The following HS3ST3B1 variants were observed in gnomAD, a reference collection of about 807,000 sequenced individuals.
The protein encoded by HS3ST3B1 is heparan sulfate-glucosamine 3-sulfotransferase 3B1, also known as heparan sulfate glucosamine 3-O-sulfotransferase 3B1.
Under a neutral mutation model 21.3 loss-of-function variants are expected in HS3ST3B1, and 13 were observed. That is an observed-to-expected ratio of 0.61 (90% CI 0.40 to 0.97). The LOEUF (loss-of-function observed/expected upper bound fraction) is 0.97, where lower values mean the gene tolerates loss of function less well. Ranked by LOEUF, HS3ST3B1 falls within the 50% of genes least tolerant of loss-of-function variation. The pLI is 0.00. For missense variants in HS3ST3B1, 459 were observed against 554.8 expected, an observed-to-expected ratio of 0.83 and a Z score of 1.73; for synonymous variants, 234 against 254.8, an observed-to-expected ratio of 0.92 and a Z score of 0.78.
intron 1 of HS3ST3B1, among the ~76,000 whole-genome samples, chr17:14,316,019 G>T (rs1909485780): frequency 6.6e-6 from 1 of 152,120 alleles, no homozygotes; most frequent in South Asian, 2.1e-4. Context: ...GCATCCTGAG[G>T]CATTGTGTCT....
chr17:14,337,583 C>T (rs1342145827), intron 1 of HS3ST3B1, among the ~76,000 whole-genome samples: 1 of 151,530 alleles, frequency 6.6e-6, no homozygotes, highest in East Asian at 1.9e-4. Flanking sequence ...GGTAATCTGC[C>T]CACCTCAGCC....
chr17:14,331,253 C>T (rs776225651), intron 1 of HS3ST3B1, among the ~76,000 whole-genome samples: 7 of 152,046 alleles, frequency 4.6e-5, no homozygotes, highest in Non-Finnish European at 1.0e-4. Context: ...CCCCAGAGAG[C>T]TCACCCGCAA....
chr17:14,348,798 T>G lies in HS3ST3B1; in HGVS notation c.*3152T>G, dbSNP rs1214173554. The G allele has an allele frequency of 6.6e-6, 1 of 152,232 alleles. No homozygotes were observed. Among genetic ancestry groups the G allele is most frequent in the Non-Finnish European group, 1.5e-5 (1 of 68,046 alleles). The allele number at this position is 152,232 out of a possible 1,614,324, so 9.4% of individuals were successfully genotyped here. A position where few individuals can be genotyped will look rare whatever the true frequency, so the allele number is the denominator to read the frequency against. Reference sequence around the variant, plus strand: ...TGAGGTTTTTCTTGTTTCTATCTAGTTCATGCTTTCTTTGCGGTGTTTGAA... The same window carrying G: ...TGAGGTTTTTCTTGTTTCTATCTAGGTCATGCTTTCTTTGCGGTGTTTGAA... On this transcript the variant is annotated 3_prime_UTR_variant, in exon 2 of 2. Transcript: ENST00000360954.
At chr17:14,336,379 G>A (rs1029161998) in intron 1 of HS3ST3B1, among the ~76,000 whole-genome samples, 1 of 152,162 alleles carries the variant, frequency 6.6e-6, no homozygotes, top group African/African-American at 2.4e-5. Flanking sequence ...GAAGATATTA[G>A]GGCAACATTT....
At position 14,324,953 on chromosome 17, in the gene HS3ST3B1, AC is replaced by A. The variant is rs560402821; in HGVS notation, c.555-20074del. Among the ~76,000 whole-genome samples, 4 of 152,366 alleles carry A rather than the reference AC, an allele frequency of 2.6e-5. No homozygotes were observed. The South Asian group carries it at 8.3e-4, about 32-fold the overall frequency. On this transcript the variant is annotated intron_variant, in intron 1 of 1. Transcript: ENST00000360954. ...ACATAAAGCACAGAGAGCACATAAA[AC>A]ATGACAGTTAAAGAAGAAAACCAAA...
rs144744309 is a variant in HS3ST3B1 at position 14,323,781 on chromosome 17, T to C, written c.555-21247T>C. 5.8e-4 allele frequency among the ~76,000 whole-genome samples: 89 copies of C among 152,254 alleles called. 1 individual carries two copies. The East Asian group carries it at 0.016, about 27-fold the overall frequency. On this transcript the variant is annotated intron_variant, in intron 1 of 1. Coordinates refer to ENST00000360954, the MANE Select transcript of HS3ST3B1 (RefSeq NM_006041.3). ...TGCATTTAGCAAACCCAGGAAAACA[T>C]TGTCTTTGGAGAGGTTTGAGCTTGA...
intron 1 of HS3ST3B1, among the ~76,000 whole-genome samples, chr17:14,321,182 G>T (rs191614681): frequency 6.6e-6 from 1 of 152,304 alleles, no homozygotes; most frequent in East Asian, 1.9e-4. Context: ...ACACTTTCCC[G>T]TCTACGTTCC....
intron 1 of HS3ST3B1, among the ~76,000 whole-genome samples, chr17:14,313,296 C>T (rs1483994027): frequency 6.6e-6 from 1 of 151,518 alleles, no homozygotes; most frequent in Admixed American, 6.6e-5. Context: ...GCTGATCTGG[C>T]CCACCCCAAC....
chr17:14,341,682 G>A lies in HS3ST3B1; in HGVS notation c.555-3346G>A, dbSNP rs1234272526. Among the ~76,000 whole-genome samples, 6 of 152,218 alleles carry A rather than the reference G, an allele frequency of 3.9e-5. No homozygotes were observed. The South Asian group carries it at 8.3e-4, about 21-fold the overall frequency. On this transcript the variant is annotated intron_variant, in intron 1 of 1. Coordinates refer to ENST00000360954, the MANE Select transcript of HS3ST3B1 (RefSeq NM_006041.3). ...GCCCAGGCTAAGTCAGACTGACAGC[G>A]AGATACCCCTAAACCCCCTTCTCTG... is the stretch of plus-strand genomic sequence containing the variant.
At chr17:14,341,096 C>T (rs1191619771) in intron 1 of HS3ST3B1, among the ~76,000 whole-genome samples, 1 of 152,156 alleles carries the variant, frequency 6.6e-6, no homozygotes, top group East Asian at 1.9e-4. Flanking sequence ...TAAATCTGCC[C>T]ACGGCTCAGG....
intron 1 of HS3ST3B1, among the ~76,000 whole-genome samples, chr17:14,314,057 G>A (rs767772672): frequency 7.2e-5 from 11 of 151,820 alleles, no homozygotes; most frequent in Non-Finnish European, 1.2e-4. Context: ...TCGGCTCACC[G>A]CAACCTCCGC....
At chr17:14,324,133 C>G (rs1909739522) in intron 1 of HS3ST3B1, among the ~76,000 whole-genome samples, 1 of 151,510 alleles carries the variant, frequency 6.6e-6, no homozygotes, top group South Asian at 2.1e-4. Context: ...TGGGGTTATT[C>G]TTACCTTCTC....
In HS3ST3B1 at chr17:14,346,767, C is replaced by T. The variant is rs1219223545; in HGVS notation, c.*1121C>T. 2.0e-5 allele frequency: 3 copies of T among 152,234 alleles called. No homozygotes were observed. Among genetic ancestry groups the T allele is most frequent in the Non-Finnish European group, 4.4e-5 (3 of 68,064 alleles). The allele number at this position is 152,234 out of a possible 1,614,324, so 9.4% of individuals were successfully genotyped here. ...CTCCTTTAATTTGCATGAAACTACA[C>T]CATGCTGCGTTCCCCAGGCAGACAG... On this transcript the variant is annotated 3_prime_UTR_variant, in exon 2 of 2. Transcript: ENST00000360954.
intron 1 of HS3ST3B1, among the ~76,000 whole-genome samples, chr17:14,339,185 C>G (rs114612125): frequency 6.6e-6 from 1 of 151,966 alleles, no homozygotes; most frequent in African/African-American, 2.4e-5. Context: ...GAAGAAGAGG[C>G]GGGGCCAGGG....
chr17:14,317,965 G>A (rs1909548992), intron 1 of HS3ST3B1, among the ~76,000 whole-genome samples: 1 of 152,132 alleles, frequency 6.6e-6, no homozygotes, highest in Non-Finnish European at 1.5e-5. Context: ...AGCCCTGCTG[G>A]GTGATTCGAG....
intron 1 of HS3ST3B1, among the ~76,000 whole-genome samples, chr17:14,338,322 C>T (rs1910255100): frequency 6.6e-6 from 1 of 151,312 alleles, no homozygotes; most frequent in South Asian, 2.1e-4. Context: ...GATGGGGTTT[C>T]ATCATGTTAG....
intron 1 of HS3ST3B1, chr17:14,329,372 A>AAGGAAGGAAGGAAGGAAGGAAGGAAGGAG (rs1567641291): frequency 4.0e-4 from 33 of 83,544 alleles, no homozygotes; most frequent in African/African-American, 1.3e-3. Context: ...AAAGAAAAGG[A>AAGGAAGGAAGGAAGGAAGGAAGGAAGGAG]AGGAAGGAAG....
chr17:14,301,523 G>A lies in HS3ST3B1; in HGVS notation c.5G>A (p.Gly2Glu), dbSNP rs375731568. The stretch of plus-strand genomic sequence containing the variant: ...GGCCGCGCCCGCGGGCAGCGCATGG[G>A]GCAGCGCCTGAGTGGCGGCAGATCT... M[G>E]QRLSGGRSCL... is the part of the protein sequence containing the mutation. The change falls in exon 1 of 2, where the codon GGG becomes GAG. Residue 2 changes from glycine (G) to glutamate (E), a missense_variant. Physicochemically the swap from Gly to Glu is moderately conservative, Grantham distance 98. Around this residue, in one of 3 missense-constraint regions of HS3ST3B1, gnomAD observed 317 missense variants for 278.6 expected, o/e 1.14. Transcript: ENST00000360954. 2,316 of 1,556,632 alleles carry A rather than the reference G, an allele frequency of 1.5e-3. 5 individuals are homozygous for A. The highest frequency in any genetic ancestry group is 3.2e-3 in the South Asian group (271 of 84,982).
At chr17:14,306,169 T>A (rs1010737428) in intron 1 of HS3ST3B1, among the ~76,000 whole-genome samples, 1 of 152,152 alleles carries the variant, frequency 6.6e-6, no homozygotes, top group African/African-American at 2.4e-5. Context: ...GAAAAGAATA[T>A]CAGCCCCCAA....
Sources: allele counts gnomAD v4.1 joint callset (sites outside exome capture counted in the v4.1 genomes callset), GRCh38; gene constraint gnomAD v4.1.1; regional missense constraint gnomAD v4.1.1; transcripts MANE v1.5; gene names NCBI Gene and HGNC (gene_info 2026-07-23, HGNC 2026-07-21).